The following KIRREL2 variants were observed in gnomAD, a reference collection of about 807,000 sequenced individuals.
KIRREL2 encodes the protein kin of IRRE-like protein 2.
In KIRREL2, 56 loss-of-function variants were observed where a neutral mutation model predicts 73.4. That is an observed-to-expected ratio of 0.76 (90% confidence interval 0.62 to 0.95). KIRREL2 has a LOEUF of 0.95. KIRREL2 is among the 40% of genes least tolerant of loss of function. The probability of loss-of-function intolerance (pLI) is 0.00; values close to 1 mark genes in which losing one functional copy is unlikely to be tolerated. For synonymous variants in KIRREL2, 407 were observed against 404.0 expected, an observed-to-expected ratio of 1.01 and a Z score of -0.09; for missense variants, 896 against 935.0, an observed-to-expected ratio of 0.96 and a Z score of 0.54.
upstream of KIRREL2, chr19:35,851,799 G>A: frequency 6.4e-7 from 1 of 1,553,278 alleles, no homozygotes; most frequent in South Asian, 1.2e-5. Context: ...GCAGCCCCAG[G>A]AGCAGGAGAG....
At chr19:35,851,656 C>T (rs774473854), upstream of KIRREL2, 9 of 1,613,020 alleles carry the variant, frequency 5.6e-6, no homozygotes, top group African/African-American at 1.3e-5. Context: ...AGGCAGGAAT[C>T]GCCAACTGCG....
chr19:35,858,525 T>G lies in KIRREL2; in HGVS notation c.329T>G (p.Leu110Arg). 1 of 1,614,178 alleles carries G rather than the reference T, an allele frequency of 6.2e-7. No individual in the cohort carries two copies. The highest frequency in any genetic ancestry group is 1.1e-5 in the South Asian group (1 of 91,086). The part of the protein sequence containing the change: ...SYECQATQAG[L>R]RSRPAQLHVL... ...GAATGTCAGGCTACACAAGCAGGCC[T>G]CCGCTCCAGACCAGCCCAACTGCAC... Residue 110 changes from leucine (L) to arginine (R), a missense_variant, in exon 3 of 15, where the codon CTC (leucine) becomes CGC (arginine). By Grantham distance (102) the Leu-to-Arg change is moderately radical. Transcript: ENST00000360202.
intron 13 of KIRREL2, among the ~76,000 whole-genome samples, chr19:35,864,376 G>A (rs1225732773): frequency 6.6e-6 from 1 of 151,796 alleles, no homozygotes; most frequent in Non-Finnish European, 1.5e-5. Flanking sequence ...TTTTAGTAGA[G>A]ACAGAGTTTC....
intron 5 of KIRREL2, 83 bp downstream of exon 5, chr19:35,859,714 G>T: frequency 6.6e-7 from 1 of 1,506,954 alleles, no homozygotes; most frequent in Non-Finnish European, 9.0e-7. Flanking sequence ...GGCCCTTGGG[G>T]AATGAGGAAA....
upstream of KIRREL2, among the ~76,000 whole-genome samples, chr19:35,855,690 C>CAA (rs1973396632): frequency 6.7e-6 from 1 of 149,324 alleles, no homozygotes; most frequent in Non-Finnish European, 1.5e-5. Context: ...CACACACACA[C>CAA]ACACACACAC....
At chr19:35,861,375 AGACCG>A in intron 9 of KIRREL2, 121 bp downstream of exon 9, 1 of 1,482,840 alleles carries the variant, frequency 6.7e-7, no homozygotes, top group South Asian at 1.3e-5. Context: ...CGGGGGCTGG[AGACCG>A]GACCTATTGA....
At chr19:35,856,872 G>T (rs975981529), upstream of KIRREL2, 1 of 569,392 alleles carries the variant, frequency 1.8e-6, no homozygotes. This position sits in a 1 kb window ranked among gnomAD's most constrained non-coding sequence, Gnocchi z 5.9. Flanking sequence ...GGGCGGACCC[G>T]GGCGGGGCGA....
chr19:35,858,472 C>A lies in KIRREL2; in HGVS notation c.276C>A (p.Pro92=). 6.2e-7 allele frequency: 1 copy of A among 1,614,112 alleles called. No homozygotes were observed. Among genetic ancestry groups the A allele is most frequent in the Non-Finnish European group, 8.5e-7 (1 of 1,180,022 alleles). The change falls in exon 3 of 15, where the codon CCC becomes CCA. Residue 92 remains proline, a synonymous_variant. Transcript: ENST00000360202. The part of the protein sequence containing the change: ...ANGQHDLHIR[P]VELEDEASYE... ...GCCAGCATGACCTCCACATTAGGCCCGTGGAGCTAGAGGATGAAGCATCAT... is the reference window on the plus strand; with the variant it reads ...GCCAGCATGACCTCCACATTAGGCCAGTGGAGCTAGAGGATGAAGCATCAT...
Position 35,861,956 on chromosome 19 carries a change from G to A in KIRREL2, c.1442G>A (p.Arg481Lys). The A allele has an allele frequency of 6.2e-7, 1 of 1,613,328 alleles. No homozygotes were observed. Among genetic ancestry groups the A allele is most frequent in the Non-Finnish European group, 8.5e-7 (1 of 1,179,788 alleles). Reference sequence around the variant, plus strand: ...GGGACCCAGGAGTCTGACTTTAGCAGGAGCTTTAACTGCAGTGCCCGGAAC... The same window carrying A: ...GGGACCCAGGAGTCTGACTTTAGCAAGAGCTTTAACTGCAGTGCCCGGAAC... ...ISGTQESDFS[R>K]SFNCSARNRL... is the part of the protein sequence containing the mutation. The change falls in exon 11 of 15, where the codon AGG (arginine) becomes AAG (lysine). Residue 481 changes from arginine (R) to lysine (K), a missense_variant. By Grantham distance (26) the Arg-to-Lys change is conservative. Coordinates refer to ENST00000360202, the MANE Select transcript of KIRREL2 (RefSeq NM_199180.4).
chr19:35,851,911 C>CCT (rs1024762917), upstream of KIRREL2: 36 of 1,330,332 alleles, frequency 2.7e-5, no homozygotes, highest in African/African-American at 4.5e-4. Context: ...TCTCTGGGTC[C>CCT]CTCTCTGTGT....
chr19:35,857,010 A>T lies in KIRREL2; in HGVS notation c.-110A>T. On this transcript the variant is annotated 5_prime_UTR_variant, in exon 1 of 15. Coordinates refer to ENST00000360202, the MANE Select transcript of KIRREL2 (RefSeq NM_199180.4). ...AGGCCAGAGACTAGGCTGGGCGAAG[A>T]GTCGAGCGTGAAGGGGGCTCCGGGC... is the stretch of plus-strand genomic sequence containing the variant. The T allele has an allele frequency of 1.8e-6, 2 of 1,089,818 alleles. No homozygotes were observed. Among genetic ancestry groups the T allele is most frequent in the Non-Finnish European group, 1.4e-6 (1 of 708,858 alleles). 67.5% of individuals were successfully genotyped at this position (1,089,818 alleles called of 1,614,324 possible). A position where few individuals can be genotyped will look rare whatever the true frequency, so the allele number is the denominator to read the frequency against.
At chr19:35,861,707 C>T (rs758028542) in intron 10 of KIRREL2, 66 bp downstream of exon 10, 48 of 1,588,342 alleles carry the variant, frequency 3.0e-5, no homozygotes, top group Non-Finnish European at 3.9e-5. Context: ...CCTGGCCCCC[C>T]GAAACTACTG....
In KIRREL2 at chr19:35,862,911, G is replaced by C. The variant is rs1973770034; in HGVS notation, c.1616-16G>C. ...ACCCCGCCCATCGCTTAACTCCACC[G>C]GTCGCTGTTTGTCAGCCTCAGCCTC... On this transcript the variant is annotated splice_polypyrimidine_tract_variant and intron_variant, in intron 12 of 14. Transcript: ENST00000360202. 6.7e-7 allele frequency: 1 copy of C among 1,503,636 alleles called. No homozygotes were observed. The highest frequency in any genetic ancestry group is 1.4e-5 in the African/African-American group (1 of 72,364). 93.1% of individuals were successfully genotyped at this position (1,503,636 alleles called of 1,614,324 possible). A position where few individuals can be genotyped will look rare whatever the true frequency, so the allele number is the denominator to read the frequency against.
intron 7 of KIRREL2, 57 bp downstream of exon 7, chr19:35,860,724 T>C: frequency 6.3e-7 from 1 of 1,595,836 alleles, no homozygotes. Context: ...TTCAGGGCTG[T>C]TGAGGGTCGG....
At position 35,861,993 on chromosome 19, in the gene KIRREL2, G is replaced by C. The variant is rs1973713996; in HGVS notation, c.1479G>C (p.Glu493Asp). 6.2e-7 allele frequency: 1 copy of C among 1,611,860 alleles called. No individual in the cohort carries two copies. The part of the protein sequence containing the change: ...FNCSARNRLG[E>D]GGAQASLGRR... ...GCAGTGCCCGGAACCGGCTGGGCGAGGGAGGTGCCCAGGCCAGCCTGGGCC... is the reference window on the plus strand; with the variant it reads ...GCAGTGCCCGGAACCGGCTGGGCGACGGAGGTGCCCAGGCCAGCCTGGGCC... The change falls in exon 11 of 15, where the codon GAG becomes GAC. Residue 493 changes from glutamate (E) to aspartate (D), a missense_variant. Transcript: ENST00000360202.
upstream of KIRREL2, among the ~76,000 whole-genome samples, chr19:35,852,198 G>A (rs999241892): frequency 1.3e-5 from 2 of 150,332 alleles, no homozygotes; most frequent in African/African-American, 4.9e-5. Context: ...CCAAGTGTTG[G>A]GATTACAGGC....
chr19:35,860,695 G>A, intron 7 of KIRREL2, 28 bp downstream of exon 7: 4 of 1,599,388 alleles, frequency 2.5e-6, no homozygotes, highest in Non-Finnish European at 3.4e-6. Context: ...TGTGGGTGTG[G>A]TCAAAGGTGG....
Position 35,866,184 on chromosome 19 carries a change from CGA to C in KIRREL2, c.1821_1822del (p.Gly608SerfsTer33). The C allele has an allele frequency of 6.2e-7, 1 of 1,611,984 alleles. No individual in the cohort carries two copies. The highest frequency in any genetic ancestry group is 8.5e-7 in the Non-Finnish European group (1 of 1,179,434). On this transcript the variant is annotated frameshift_variant, in exon 15 of 15. Transcript: ENST00000360202. LOFTEE classifies it high-confidence loss of function. ...KDPTNGYYKVRGVSVSLSLGE... is the reference protein window; with the variant it reads ...KDPTNGYYKVXGVSVSLSLGE... ...CCCAACCAACGGTTACTACAAGGTC[CGA>C]GGAGTCAGTGTGAGCCTGAGCCTTG...
At position 35,860,975 on chromosome 19, in the gene KIRREL2, G is replaced by T. The variant is rs1309421426; in HGVS notation, c.995G>T (p.Ser332Ile). ...GACGTGGGGGAAGACGCTTCCTTCA[G>T]CTGCGCCTGGCGCGGGAACCCGCTT... is the stretch of plus-strand genomic sequence containing the variant. ...SVDVGEDASF[S>I]CAWRGNPLPR... Residue 332 changes from serine to isoleucine, a missense_variant, in exon 8 of 15, where the codon AGC (serine) becomes ATC (isoleucine). By Grantham distance (142) the Ser-to-Ile change is moderately radical. Coordinates refer to ENST00000360202, the MANE Select transcript of KIRREL2 (RefSeq NM_199180.4). 1.2e-6 allele frequency: 2 copies of T among 1,613,594 alleles called. No homozygotes were observed. The highest frequency in any genetic ancestry group is 1.7e-6 in the Non-Finnish European group (2 of 1,179,882).
Sources: allele counts gnomAD v4.1 joint callset (sites outside exome capture counted in the v4.1 genomes callset), GRCh38; gene constraint gnomAD v4.1.1; non-coding constraint Gnocchi (gnomAD v3.1); transcripts MANE v1.5; gene names NCBI Gene and HGNC (gene_info 2026-07-23, HGNC 2026-07-21).